DHX36: variants seen among roughly 807,000 people sequenced by gnomAD.
DHX36 encodes DEAH-box helicase 36, also known as ATP-dependent DNA/RNA helicase DHX36.
In DHX36, 50 loss-of-function variants were observed where a neutral mutation model predicts 139.0. That is an observed-to-expected ratio of 0.36 (90% CI 0.29 to 0.46). The LOEUF is 0.46. Ranked by LOEUF, DHX36 falls within the 20% of genes least tolerant of loss-of-function variation. The probability of loss-of-function intolerance (pLI) is 1.00; values close to 1 mark genes in which losing one functional copy is unlikely to be tolerated. For missense variants in DHX36, 1,024 were observed against 1,211.3 expected (o/e 0.85, Z 2.29); for synonymous variants, 425 against 401.9 (o/e 1.06, Z -0.69).
chr3:154,317,346 T>C (rs1178011769), intron 1 of DHX36, among the ~76,000 whole-genome samples: 1 of 152,046 alleles, frequency 6.6e-6, no homozygotes, highest in Non-Finnish European at 1.5e-5. Flanking sequence ...TGGAAATTGA[T>C]CTCTGAGAGG....
intron 1 of DHX36, among the ~76,000 whole-genome samples, chr3:154,322,095 C>T (rs1021244123): frequency 1.3e-5 from 2 of 152,122 alleles, no homozygotes; most frequent in African/African-American, 4.8e-5. Context: ...AAGAAAGGTA[C>T]ATTTTGGACA....
intron 14 of DHX36, 97 bp downstream of exon 14, chr3:154,293,651 G>C: frequency 6.1e-6 from 5 of 824,542 alleles, no homozygotes; most frequent in Non-Finnish European, 9.6e-6. Flanking sequence ...TAAATTACAA[G>C]GTATATGGTA....
Position 154,288,710 on chromosome 3 carries a change from C to G in DHX36, c.2031+156G>C, listed in dbSNP as rs181745585. Among the ~76,000 whole-genome samples, 495 of 152,146 alleles carry G rather than the reference C, an allele frequency of 3.3e-3. 3 individuals are homozygous for G. The highest frequency in any genetic ancestry group is 8.9e-3 in the African/African-American group (370 of 41,528). ...TAACTTTCTAATGCCTATCTCATAA[C>G]CTGATAGTTCTAAATTGATAGTCAA... On this transcript the variant is annotated intron_variant, in intron 17 of 24. Coordinates refer to ENST00000496811, the MANE Select transcript of DHX36 (RefSeq NM_020865.3).
chr3:154,279,740 C>T (rs750340245), intron 22 of DHX36: 1 of 152,144 alleles, frequency 6.6e-6, no homozygotes, highest in Non-Finnish European at 1.5e-5. Flanking sequence ...TCTTTAAAGT[C>T]TTTATTTTTT....
In DHX36 at chr3:154,284,983, G is replaced by A; in HGVS notation, c.2036C>T (p.Ala679Val). Residue 679 changes from alanine to valine, a missense_variant, in exon 18 of 25, where the codon GCT becomes GTT. Ala to Val is a moderately conservative substitution (Grantham distance 64). Transcript: ENST00000496811. ...LSIRHLMELNALDKQEELTPL... is the reference protein window; with the variant it reads ...LSIRHLMELNVLDKQEELTPL... ...TGTCAATTCTTCTTGTTTATCCAAA[G>A]CGTTCTGTAAAGGAAGAGTGTGTGT... The A allele has an allele frequency of 6.2e-7, 1 of 1,614,076 alleles. No homozygotes were observed. Among genetic ancestry groups the A allele is most frequent in the South Asian group, 1.1e-5 (1 of 91,076 alleles).
chr3:154,280,941 T>G, intron 20 of DHX36, 79 bp from the exon 21 acceptor site: 1 of 1,074,436 alleles, frequency 9.3e-7, no homozygotes, highest in South Asian at 1.4e-5. Flanking sequence ...ATAGATAAAT[T>G]GAGTTGTAAG....
chr3:154,310,911 G>T (rs531978941), intron 4 of DHX36, among the ~76,000 whole-genome samples: 1 of 129,188 alleles, frequency 7.7e-6, no homozygotes, highest in East Asian at 2.5e-4. Context: ...ACATAGATGT[G>T]TATATATCAG....
At chr3:154,280,323 T>C (rs1268992938) in intron 22 of DHX36, 1 of 340,622 alleles carries the variant, frequency 2.9e-6, no homozygotes, top group African/African-American at 2.1e-5. Flanking sequence ...CTGGCTCTTC[T>C]AATATTTACA....
Position 154,272,739 on chromosome 3 carries a change from A to G in DHX36, c.*3432T>C, listed in dbSNP as rs1719034376. ...CCATTTAAAAGCAATTAGCATATTA[A>G]AAATATATAAGTATACATGATCACA... On this transcript the variant is annotated 3_prime_UTR_variant, in exon 25 of 25. Coordinates refer to ENST00000496811, the MANE Select transcript of DHX36 (RefSeq NM_020865.3). 1 of 152,084 alleles carries G rather than the reference A, an allele frequency of 6.6e-6. No individual in the cohort carries two copies. Among genetic ancestry groups the G allele is most frequent in the African/African-American group, 2.4e-5 (1 of 41,434 alleles). 9.4% of individuals were successfully genotyped at this position (152,084 alleles called of 1,614,324 possible). A position where few individuals can be genotyped will look rare whatever the true frequency, so the allele number is the denominator to read the frequency against.
chr3:154,296,556 CCTA>C (rs1712057893), intron 12 of DHX36, among the ~76,000 whole-genome samples: 1 of 152,126 alleles, frequency 6.6e-6, no homozygotes, highest in Non-Finnish European at 1.5e-5. Context: ...ATAAGAAATT[CCTA>C]CTTTTTAAGT....
intron 2 of DHX36, 43 bp downstream of exon 2, chr3:154,315,996 G>GT (rs1429579982): frequency 2.5e-6 from 4 of 1,581,148 alleles, no homozygotes; most frequent in Non-Finnish European, 3.4e-6. Context: ...TTATTAAAGT[G>GT]TTACTCTTTG....
rs1018089215 is a variant in DHX36 at position 154,280,440 on chromosome 3, T to C, written c.2567+139A>G. 6 of 645,302 alleles carry C rather than the reference T, an allele frequency of 9.3e-6. No individual in the cohort carries two copies. The South Asian group carries it at 1.2e-4, about 13-fold the overall frequency. The allele number at this position is 645,302 out of a possible 1,614,324, so 40.0% of individuals were successfully genotyped here. A position where few individuals can be genotyped will look rare whatever the true frequency, so the allele number is the denominator to read the frequency against. ...ACCAATGGCTAAACAGTTCACCTTC[T>C]CTGAAATGATTAAAAGAACAAGAAT... On this transcript the variant is annotated intron_variant, in intron 22 of 24. Coordinates refer to ENST00000496811, the MANE Select transcript of DHX36 (RefSeq NM_020865.3).
At chr3:154,277,508 A>C (rs1166840450) in intron 23 of DHX36, 90 bp downstream of exon 23, 8 of 1,347,990 alleles carry the variant, frequency 5.9e-6, no homozygotes, top group Non-Finnish European at 7.8e-6. Flanking sequence ...ACAAAAAAAA[A>C]ATTTTGTATA....
chr3:154,311,648 A>G lies in DHX36; in HGVS notation c.630T>C (p.Tyr210=). 1 of 1,598,266 alleles carries G rather than the reference A, an allele frequency of 6.3e-7. No homozygotes were observed. Among genetic ancestry groups the G allele is most frequent in the Non-Finnish European group, 8.5e-7 (1 of 1,175,492 alleles). ...AAAAGCACTTTACCTTTTGCATTCC[A>G]TACGAAGGCAGCTTTTCTCTGAAAT... ...MQHFREKLPS[Y]GMQKELVNLI... The change falls in exon 4 of 25, where the codon TAT becomes TAC. Residue 210 remains tyrosine (Y), a synonymous_variant. Transcript: ENST00000496811.
intron 9 of DHX36, among the ~76,000 whole-genome samples, chr3:154,302,071 TAAAA>T (rs773742984): frequency 9.7e-6 from 1 of 103,520 alleles, no homozygotes; most frequent in South Asian, 3.0e-4. Context: ...TGTGATAAAG[TAAAA>T]AAAAAAAAAA....
chr3:154,316,769 A>C (rs1242132446), intron 1 of DHX36, among the ~76,000 whole-genome samples: 1 of 151,962 alleles, frequency 6.6e-6, no homozygotes, highest in Non-Finnish European at 1.5e-5. Context: ...GAAACTTTGC[A>C]GAAACTTTAC....
chr3:154,298,041 A>T (rs1273979614), intron 12 of DHX36, among the ~76,000 whole-genome samples: 1 of 152,226 alleles, frequency 6.6e-6, no homozygotes, highest in Non-Finnish European at 1.5e-5. Flanking sequence ...TTTTTTCAAC[A>T]TAATTTGAGA....
intron 14 of DHX36, among the ~76,000 whole-genome samples, chr3:154,293,425 T>G (rs544422099): frequency 6.6e-6 from 1 of 151,954 alleles, no homozygotes; most frequent in African/African-American, 2.4e-5. Flanking sequence ...TACAAGAAAT[T>G]TAAAAAATCA....
In DHX36 at chr3:154,292,780, T is replaced by G. The variant is rs1711877876; in HGVS notation, c.1671-86A>C. On this transcript the variant is annotated intron_variant, in intron 14 of 24. Transcript: ENST00000496811. ...ACACACATCGAAAGCACTATTAACC[T>G]ATAAAAGACCAATAAATAGGTATTT... The G allele has an allele frequency of 1.3e-5, 19 of 1,507,316 alleles. No homozygotes were observed. The South Asian group carries it at 2.4e-4, about 19-fold the overall frequency. The allele number at this position is 1,507,316 out of a possible 1,614,324, so 93.4% of individuals were successfully genotyped here.
Sources: allele counts gnomAD v4.1 joint callset (sites outside exome capture counted in the v4.1 genomes callset), GRCh38; gene constraint gnomAD v4.1.1; transcripts MANE v1.5; gene names NCBI Gene and HGNC (gene_info 2026-07-23, HGNC 2026-07-21).